The following SLIT3 variants were observed in gnomAD, a reference collection of about 807,000 sequenced individuals.
SLIT3 encodes the protein slit guidance ligand 3, also known as slit homolog 3 protein.
Under a neutral mutation model 184.0 loss-of-function variants are expected in SLIT3, and 68 were observed. The ratio of observed to expected loss-of-function variants is 0.37; its 90% CI spans 0.30 to 0.45. SLIT3 has a LOEUF of 0.45. Ranked by LOEUF, SLIT3 falls within the 20% of genes least tolerant of loss-of-function variation. The pLI, the probability that SLIT3 is intolerant of heterozygous loss-of-function variation, is 1.00. For missense variants in SLIT3, 1,707 were observed against 2,026.0 expected (o/e 0.84, Z 3.02); for synonymous variants, 831 against 828.6 (o/e 1.00, Z -0.05).
chr5:168,967,055 T>C (rs1763222588), intron 4 of SLIT3, among the ~76,000 whole-genome samples: 1 of 152,068 alleles, frequency 6.6e-6, no homozygotes, highest in Non-Finnish European at 1.5e-5. Context: ...CCACCTAAAT[T>C]TCCCAACTGT....
At chr5:169,204,519 C>T (rs565469716) in intron 3 of SLIT3, among the ~76,000 whole-genome samples, 6 of 152,078 alleles carry the variant, frequency 3.9e-5, no homozygotes, top group East Asian at 1.9e-4. Flanking sequence ...GACATAGGAG[C>T]GAGGCACATT....
intron 10 of SLIT3, among the ~76,000 whole-genome samples, chr5:168,793,097 T>C (rs7728604): frequency 0.67 from 102,643 of 152,084 alleles, 36,517 homozygotes; most frequent in African/African-American, 0.91. Flanking sequence ...CGCTGAAATG[T>C]TTTTGGCCCC....
intron 3 of SLIT3, among the ~76,000 whole-genome samples, chr5:169,197,914 A>C (rs186874326): frequency 2.0e-5 from 3 of 152,328 alleles, no homozygotes; most frequent in Admixed American, 1.3e-4. Context: ...GGAACCACTA[A>C]AGGCCTTTCT....
intron 4 of SLIT3, among the ~76,000 whole-genome samples, chr5:168,925,305 C>T (rs1761780312): frequency 6.6e-6 from 1 of 152,132 alleles, no homozygotes; most frequent in Non-Finnish European, 1.5e-5. Flanking sequence ...AAGGGAGCTG[C>T]TACTATGCAC....
At chr5:168,908,174 T>C (rs1010679663) in intron 4 of SLIT3, among the ~76,000 whole-genome samples, 21 of 152,108 alleles carry the variant, frequency 1.4e-4, no homozygotes, top group Non-Finnish European at 1.6e-4. Flanking sequence ...TAATTCCATA[T>C]TGCAGTAAGC....
intron 4 of SLIT3, among the ~76,000 whole-genome samples, chr5:169,034,397 T>C (rs548967094): frequency 1.7e-4 from 26 of 152,308 alleles, no homozygotes; most frequent in Non-Finnish European, 3.4e-4. Flanking sequence ...TACATGTAGG[T>C]CTTTTATCCA....
chr5:168,734,714 C>A (rs1044275991), intron 20 of SLIT3, among the ~76,000 whole-genome samples: 2 of 152,124 alleles, frequency 1.3e-5, no homozygotes, highest in Non-Finnish European at 2.9e-5. Context: ...CAGCATTTGA[C>A]CCCCATGGTG....
intron 1 of SLIT3, among the ~76,000 whole-genome samples, chr5:169,280,495 T>C (rs1766961388): frequency 6.6e-6 from 1 of 152,162 alleles, no homozygotes; most frequent in Admixed American, 6.5e-5. Context: ...CCCTCGGCTA[T>C]GTGGGAGTGT....
intron 29 of SLIT3, among the ~76,000 whole-genome samples, chr5:168,689,375 A>C (rs980124765): frequency 6.6e-6 from 1 of 152,236 alleles, no homozygotes; most frequent in Non-Finnish European, 1.5e-5. Flanking sequence ...GATTCTGCAC[A>C]AGGGAGAGTA....
chr5:169,169,757 C>T (rs1406541329), intron 4 of SLIT3, among the ~76,000 whole-genome samples: 2 of 152,260 alleles, frequency 1.3e-5, no homozygotes. Flanking sequence ...GAAGCTGCAT[C>T]ACCACAGAAA....
intron 4 of SLIT3, among the ~76,000 whole-genome samples, chr5:168,997,686 AC>A (rs1561597277): frequency 2.0e-5 from 3 of 152,208 alleles, no homozygotes; most frequent in African/African-American, 7.2e-5. Flanking sequence ...GTTTCCGGTC[AC>A]CATGCAAACT....
intron 17 of SLIT3, among the ~76,000 whole-genome samples, chr5:168,753,633 G>C (rs917941840): frequency 6.6e-6 from 1 of 152,102 alleles, no homozygotes; most frequent in Non-Finnish European, 1.5e-5. Context: ...TGACTATGTT[G>C]GGTGTGTGTG....
Position 168,795,500 on chromosome 5 carries a change from A to G in SLIT3, c.1007+7T>C, listed in dbSNP as rs1157234399. 6.2e-7 allele frequency: 1 copy of G among 1,609,776 alleles called. No individual in the cohort carries two copies. Among genetic ancestry groups the G allele is most frequent in the Admixed American group, 1.7e-5 (1 of 60,024 alleles). ...TTTGGGCCCATTTCTCCACAGGGGA[A>G]ACTCACATTCGCTTCAGTTTCTTGT... is the stretch of plus-strand genomic sequence containing the variant. On this transcript the variant is annotated splice_region_variant and intron_variant, in intron 10 of 35. Coordinates refer to ENST00000519560, the MANE Select transcript of SLIT3 (RefSeq NM_003062.4).
intron 1 of SLIT3, among the ~76,000 whole-genome samples, chr5:169,282,448 G>A (rs1767025192): frequency 6.6e-6 from 1 of 152,170 alleles, no homozygotes; most frequent in Admixed American, 6.5e-5. Context: ...CCATTTTGCT[G>A]TTGCCATGGT....
chr5:169,203,351 GCACACACACACACACACACACA>G (rs36206656), intron 3 of SLIT3, among the ~76,000 whole-genome samples: 1 of 147,424 alleles, frequency 6.8e-6, no homozygotes, highest in African/African-American at 2.5e-5. Flanking sequence ...ATGTGAATGT[GCACACACACACACACACACACA>G]CACACACACA....
chr5:169,244,890 C>T, intron 2 of SLIT3, 114 bp from the exon 3 acceptor site: 1 of 870,898 alleles, frequency 1.1e-6, no homozygotes, highest in Non-Finnish European at 1.9e-6. Flanking sequence ...TCGTCAGTGT[C>T]CCTTCAACTG....
At chr5:168,770,832 C>T (rs1755524718) in intron 14 of SLIT3, among the ~76,000 whole-genome samples, 1 of 152,128 alleles carries the variant, frequency 6.6e-6, no homozygotes, top group Non-Finnish European at 1.5e-5. Context: ...AGCTCTACTG[C>T]TTCCTAGGTC....
chr5:168,903,598 G>A (rs1004578110), intron 4 of SLIT3, among the ~76,000 whole-genome samples: 9 of 152,176 alleles, frequency 5.9e-5, no homozygotes, highest in Admixed American at 2.0e-4. Flanking sequence ...ATGGAGTGAA[G>A]GACGGGGGCA....
intron 4 of SLIT3, among the ~76,000 whole-genome samples, chr5:169,162,773 G>A (rs959799063): frequency 6.6e-6 from 1 of 152,198 alleles, no homozygotes; most frequent in Admixed American, 6.5e-5. Flanking sequence ...ATAAAATGAA[G>A]TTAGGGCAAT....
Sources: allele counts gnomAD v4.1 joint callset (sites outside exome capture counted in the v4.1 genomes callset), GRCh38; gene constraint gnomAD v4.1.1; transcripts MANE v1.5; gene names NCBI Gene and HGNC (gene_info 2026-07-23, HGNC 2026-07-21).